The following TNPO1 variants were observed in gnomAD, a reference collection of about 807,000 sequenced individuals.
TNPO1 encodes transportin-1.
TNPO1 carries 8 observed loss-of-function variants against 119.5 expected under a neutral mutation model. The observed-to-expected ratio is 0.07, with a 90% CI of 0.04 to 0.12. The LOEUF is 0.12. Ranked by LOEUF, TNPO1 falls within the 10% of genes least tolerant of loss-of-function variation. The probability of loss-of-function intolerance (pLI) is 1.00; values close to 1 mark genes in which losing one functional copy is unlikely to be tolerated. For synonymous variants in TNPO1, 362 were observed against 363.0 expected (o/e 1.00, Z 0.03); for missense variants, 576 against 1,089.8 (o/e 0.53, Z 6.64).
intron 11 of TNPO1, among the ~76,000 whole-genome samples, chr5:72,886,401 CGTG>C (rs1166132598): frequency 3.3e-5 from 5 of 151,992 alleles, no homozygotes; most frequent in Admixed American, 6.5e-5. Flanking sequence ...ATGTTTTTTG[CGTG>C]ATTGTAACAG....
intron 1 of TNPO1, among the ~76,000 whole-genome samples, chr5:72,832,113 A>G (rs1744502326): frequency 6.6e-6 from 1 of 152,038 alleles, no homozygotes; most frequent in African/African-American, 2.4e-5. Flanking sequence ...CAGAAGTGTA[A>G]TCATGAGGAC....
At chr5:72,848,336 C>G (rs752668203) in intron 1 of TNPO1, 49 bp from the exon 2 acceptor site, 3 of 1,560,384 alleles carry the variant, frequency 1.9e-6, no homozygotes, top group Admixed American at 3.6e-5. Context: ...GCCTGTGCAC[C>G]GGGAGTAACA....
At position 72,909,421 on chromosome 5, in the gene TNPO1, T is replaced by G. The variant is rs1750408454; in HGVS notation, c.*748T>G. ...ATAAATGGGGTTGGGCATATCAAAC[T>G]AAAGATGACATCTTAATTTTGCATT... On this transcript the variant is annotated 3_prime_UTR_variant, in exon 25 of 25. Coordinates refer to ENST00000337273, the MANE Select transcript of TNPO1 (RefSeq NM_002270.4). The G allele has an allele frequency of 6.6e-6, 1 of 152,308 alleles. No individual in the cohort carries two copies. The highest frequency in any genetic ancestry group is 2.1e-4 in the South Asian group (1 of 4,834). The allele number at this position is 152,308 out of a possible 1,614,324, so 9.4% of individuals were successfully genotyped here. A position where few individuals can be genotyped will look rare whatever the true frequency, so the allele number is the denominator to read the frequency against.
At chr5:72,885,926 C>G (rs1408866890) in intron 11 of TNPO1, among the ~76,000 whole-genome samples, 1 of 152,254 alleles carries the variant, frequency 6.6e-6, no homozygotes, top group East Asian at 1.9e-4. Context: ...GCAACATCAT[C>G]TGATGACAGA....
At chr5:72,836,563 T>A (rs1348380534) in intron 1 of TNPO1, among the ~76,000 whole-genome samples, 1 of 152,230 alleles carries the variant, frequency 6.6e-6, no homozygotes, top group Non-Finnish European at 1.5e-5. Flanking sequence ...CCCAACCATC[T>A]CTGAAATGCC....
intron 4 of TNPO1, among the ~76,000 whole-genome samples, chr5:72,860,450 G>A (rs558259143): frequency 6.6e-6 from 1 of 152,268 alleles, no homozygotes; most frequent in South Asian, 2.1e-4. Flanking sequence ...CCTTTCTGTT[G>A]TCCTTGTGTT....
chr5:72,864,576 T>C (rs921773245), intron 5 of TNPO1, among the ~76,000 whole-genome samples: 1 of 151,618 alleles, frequency 6.6e-6, no homozygotes, highest in African/African-American at 2.4e-5. Context: ...TACTTTTATA[T>C]GTAAGTAACT....
intron 1 of TNPO1, among the ~76,000 whole-genome samples, chr5:72,821,403 T>C (rs148022293): frequency 2.6e-5 from 4 of 152,220 alleles, no homozygotes; most frequent in African/African-American, 9.6e-5. Flanking sequence ...ATATACTAAA[T>C]AAATGCAAAT....
At chr5:72,841,591 G>A (rs1031952427) in intron 1 of TNPO1, among the ~76,000 whole-genome samples, 14 of 150,730 alleles carry the variant, frequency 9.3e-5, no homozygotes, top group Admixed American at 3.3e-4. Context: ...CGCCCGCCTC[G>A]GCTTCCCAAA....
intron 3 of TNPO1, among the ~76,000 whole-genome samples, chr5:72,855,422 C>G (rs1197141839): frequency 2.6e-5 from 4 of 152,136 alleles, no homozygotes; most frequent in Admixed American, 6.5e-5. Flanking sequence ...CAGTGGTTCT[C>G]AACCACTGGC....
intron 11 of TNPO1, among the ~76,000 whole-genome samples, chr5:72,883,820 C>T (rs771654672): frequency 1.2e-4 from 18 of 152,112 alleles, no homozygotes; most frequent in Non-Finnish European, 1.9e-4. Flanking sequence ...CATGGCCCAC[C>T]GCAGCCTTGA....
chr5:72,843,707 C>T (rs545652277), intron 1 of TNPO1, among the ~76,000 whole-genome samples: 4 of 152,152 alleles, frequency 2.6e-5, no homozygotes, highest in Admixed American at 6.5e-5. Flanking sequence ...TGGGAAATGA[C>T]GTCACTAATA....
intron 7 of TNPO1, among the ~76,000 whole-genome samples, chr5:72,872,936 G>C (rs1202043695): frequency 6.6e-6 from 1 of 152,068 alleles, no homozygotes; most frequent in Admixed American, 6.5e-5. Flanking sequence ...TTTTCTACTT[G>C]TATCATTCTA....
intron 1 of TNPO1, among the ~76,000 whole-genome samples, chr5:72,839,708 G>A (rs1029815266): frequency 2.6e-5 from 4 of 152,060 alleles, no homozygotes; most frequent in Non-Finnish European, 4.4e-5. Flanking sequence ...CTAGAACACC[G>A]CTGCTTATTA....
intron 9 of TNPO1, among the ~76,000 whole-genome samples, chr5:72,882,067 A>G (rs989284180): frequency 6.6e-6 from 1 of 152,190 alleles, no homozygotes; most frequent in Non-Finnish European, 1.5e-5. Flanking sequence ...TCAGTGATTA[A>G]CTGTTAGTGA....
rs780190241 is a variant in TNPO1, at chr5:72,888,261, G to T, written c.1487G>T (p.Arg496Leu). ...CCATTAATGACAGAATTGCTAAAGC[G>T]CATCCTGGACAGCAACAAGAGAGTA... is the stretch of plus-strand genomic sequence containing the variant. ...LKPLMTELLK[R>L]ILDSNKRVQE... The change falls in exon 13 of 25, where the codon CGC becomes CTC. Residue 496 changes from arginine to leucine, a missense_variant. Around this residue, in one of 6 missense-constraint regions of TNPO1, gnomAD observed 310 missense variants for 583.0 expected, o/e 0.53. Coordinates refer to ENST00000337273, the MANE Select transcript of TNPO1 (RefSeq NM_002270.4). 6.2e-7 allele frequency: 1 copy of T among 1,614,142 alleles called. No individual in the cohort carries two copies. Among genetic ancestry groups the T allele is most frequent in the Non-Finnish European group, 8.5e-7 (1 of 1,180,028 alleles).
intron 21 of TNPO1, among the ~76,000 whole-genome samples, chr5:72,900,480 G>T (rs978195564): frequency 1.3e-5 from 2 of 152,064 alleles, no homozygotes; most frequent in African/African-American, 4.8e-5. Flanking sequence ...GTTTAAATTT[G>T]TTATGTATAA....
intron 20 of TNPO1, among the ~76,000 whole-genome samples, chr5:72,899,214 A>G (rs1032729316): frequency 2.0e-5 from 3 of 152,182 alleles, no homozygotes; most frequent in African/African-American, 2.4e-5. Context: ...TGTGGTCCAC[A>G]TATCATATGT....
chr5:72,845,990 A>G (rs1359740743), intron 1 of TNPO1, among the ~76,000 whole-genome samples: 1 of 152,072 alleles, frequency 6.6e-6, no homozygotes, highest in Non-Finnish European at 1.5e-5. Context: ...CCCCATCCCC[A>G]CTGGTATCAG....
Sources: allele counts gnomAD v4.1 joint callset (sites outside exome capture counted in the v4.1 genomes callset), GRCh38; gene constraint gnomAD v4.1.1; regional missense constraint gnomAD v4.1.1; transcripts MANE v1.5; gene names NCBI Gene and HGNC (gene_info 2026-07-23, HGNC 2026-07-21).